The following RAPGEF2 variants were observed in gnomAD, a reference collection of about 807,000 sequenced individuals.
RAPGEF2 encodes the protein PDZ domain containing guanine nucleotide exchange factor (GEF) 1.
RAPGEF2 carries 54 observed loss-of-function variants against 186.7 expected under a neutral mutation model. That is an observed-to-expected ratio of 0.29 (90% CI 0.23 to 0.36). RAPGEF2 has a LOEUF of 0.36. Among genes scored for constraint, RAPGEF2 ranks in the 10% least tolerant of loss-of-function variants. RAPGEF2 has a pLI of 1.00. For missense variants in RAPGEF2, 1,532 were observed against 2,045.0 expected (o/e 0.75, Z 4.84); for synonymous variants, 712 against 705.9 (o/e 1.01, Z -0.14).
intron 7 of RAPGEF2, among the ~76,000 whole-genome samples, chr4:159,301,376 C>T (rs1232822865): frequency 1.3e-5 from 2 of 151,638 alleles, no homozygotes; most frequent in African/African-American, 4.8e-5. Context: ...ATTCTGTCTC[C>T]AAAAAGAAAA....
chr4:159,226,360 A>C (rs1224550788), intron 4 of RAPGEF2, among the ~76,000 whole-genome samples: 2 of 152,188 alleles, frequency 1.3e-5, no homozygotes, highest in African/African-American at 2.4e-5. Context: ...CCTTTGCTTT[A>C]CATGTCAGTT....
chr4:159,114,422 G>C (rs1364871632), intron 1 of RAPGEF2, among the ~76,000 whole-genome samples: 3 of 151,720 alleles, frequency 2.0e-5, no homozygotes, highest in Non-Finnish European at 4.4e-5. Flanking sequence ...CATTTTTTTA[G>C]ATCTGTGTCT....
chr4:159,104,063 G>C lies in RAPGEF2; in HGVS notation c.-100G>C. 1.6e-6 allele frequency: 1 copy of C among 609,116 alleles called. No homozygotes were observed. Among genetic ancestry groups the C allele is most frequent in the Non-Finnish European group, 2.2e-6 (1 of 462,908 alleles). 37.7% of individuals were successfully genotyped at this position (609,116 alleles called of 1,614,324 possible). A position where few individuals can be genotyped will look rare whatever the true frequency, so the allele number is the denominator to read the frequency against. Reference sequence around the variant, plus strand: ...GGTTTGGCTGATTAGTCGCGGGCGGGCGGGCGGGCGCAGCGCGCAGGGCGG... The same window carrying C: ...GGTTTGGCTGATTAGTCGCGGGCGGCCGGGCGGGCGCAGCGCGCAGGGCGG... On this transcript the variant is annotated 5_prime_UTR_variant, in exon 1 of 30. Transcript: ENST00000691494.
chr4:159,289,033 G>A (rs377318857), intron 7 of RAPGEF2, among the ~76,000 whole-genome samples: 2 of 152,116 alleles, frequency 1.3e-5, no homozygotes, highest in East Asian at 1.9e-4. Flanking sequence ...TGTCTCTACA[G>A]TACTTACTGA....
intron 1 of RAPGEF2, among the ~76,000 whole-genome samples, chr4:159,162,829 G>A (rs1744859329): frequency 6.6e-6 from 1 of 152,188 alleles, no homozygotes; most frequent in African/African-American, 2.4e-5. Flanking sequence ...CACAGTGCCA[G>A]CATGCAAGGT....
chr4:159,310,742 T>C (rs1763852882), intron 8 of RAPGEF2, among the ~76,000 whole-genome samples: 1 of 152,152 alleles, frequency 6.6e-6, no homozygotes, highest in Admixed American at 6.5e-5. Flanking sequence ...AACATAACTA[T>C]GTAAACCTTT....
In RAPGEF2 at chr4:159,340,501, G is replaced by A. The variant is rs188405896; in HGVS notation, c.2535-1063G>A. On this transcript the variant is annotated intron_variant, in intron 19 of 29. Coordinates refer to ENST00000691494, the MANE Select transcript of RAPGEF2 (RefSeq NM_001394067.2). Reference sequence around the variant, plus strand: ...TGTTAAATCTGTGAAAGTCAAGGGCGCAAAGTATATATTTTCTGTTATATG... The same window carrying A: ...TGTTAAATCTGTGAAAGTCAAGGGCACAAAGTATATATTTTCTGTTATATG... Among the ~76,000 whole-genome samples the A allele has an allele frequency of 1.5e-4, 23 of 152,062 alleles. No individual in the cohort carries two copies. The East Asian group carries it at 4.2e-3, about 28-fold the overall frequency.
At chr4:159,328,061 T>G (rs956209896) in intron 11 of RAPGEF2, 1 of 152,160 alleles carries the variant, frequency 6.6e-6, no homozygotes, top group Non-Finnish European at 1.5e-5. Flanking sequence ...GATGTATTTC[T>G]TTTTTAGAAG....
intron 1 of RAPGEF2, among the ~76,000 whole-genome samples, chr4:159,116,995 C>T (rs998922425): frequency 6.6e-6 from 1 of 152,060 alleles, no homozygotes; most frequent in African/African-American, 2.4e-5. Context: ...CTATAACAAG[C>T]CTGCACATTC....
At position 159,198,221 on chromosome 4, in the gene RAPGEF2, CTTTT is replaced by C. The variant is rs545064297; in HGVS notation, c.197+4966_197+4969del. On this transcript the variant is annotated intron_variant, in intron 3 of 29. Transcript: ENST00000691494. ...AGGAAGCAAAATACTGCGATTCTTT[CTTTT>C]ATTTTCTTTTCTTTCTTTCTTCCTT... Among the ~76,000 whole-genome samples, 219 of 149,912 alleles carry C rather than the reference CTTTT, an allele frequency of 1.5e-3. 2 individuals carry two copies. The highest frequency in any genetic ancestry group is 2.5e-3 in the Non-Finnish European group (169 of 67,312).
intron 1 of RAPGEF2, among the ~76,000 whole-genome samples, chr4:159,146,792 C>T (rs1158902534): frequency 6.6e-6 from 1 of 152,258 alleles, no homozygotes; most frequent in East Asian, 1.9e-4. Flanking sequence ...GGTATCTAGT[C>T]ATTTCTCCCC....
At chr4:159,335,743 G>A (rs1227655740) in intron 17 of RAPGEF2, among the ~76,000 whole-genome samples, 1 of 151,542 alleles carries the variant, frequency 6.6e-6, no homozygotes, top group African/African-American at 2.4e-5. Flanking sequence ...GGCTGAGGCA[G>A]GAGAATGGCG....
intron 1 of RAPGEF2, among the ~76,000 whole-genome samples, chr4:159,184,855 C>T (rs1294629159): frequency 6.6e-6 from 1 of 152,130 alleles, no homozygotes; most frequent in Non-Finnish European, 1.5e-5. Context: ...AGGTTTTCTT[C>T]TAGGGTTTTT....
chr4:159,195,875 GTTTTTTTTTTTTTTT>G lies in RAPGEF2; in HGVS notation c.197+2634_197+2648del, dbSNP rs34827512. Among the ~76,000 whole-genome samples the G allele has an allele frequency of 1.4e-3, 128 of 94,230 alleles. 1 individual carries two copies. Among genetic ancestry groups the G allele is most frequent in the East Asian group, 4.8e-3 (11 of 2,294 alleles). 61.8% of individuals were successfully genotyped at this position (94,230 alleles called of 152,430 possible). On this transcript the variant is annotated intron_variant, in intron 3 of 29. Coordinates refer to ENST00000691494, the MANE Select transcript of RAPGEF2 (RefSeq NM_001394067.2). ...GATTACAGTGTCTTCAAACATACCT[GTTTTTTTTTTTTTTT>G]TTTTTTTTTTTTTTCCCCAAGTAGG...
At chr4:159,160,654 T>C (rs78175886) in intron 1 of RAPGEF2, among the ~76,000 whole-genome samples, 2,262 of 152,344 alleles carry the variant, frequency 0.015, 69 homozygotes, top group African/African-American at 0.051. Context: ...TCAGTATATC[T>C]TTTTCTGTAT....
intron 6 of RAPGEF2, among the ~76,000 whole-genome samples, chr4:159,243,180 C>T (rs1309043499): frequency 6.6e-6 from 1 of 150,580 alleles, no homozygotes; most frequent in Non-Finnish European, 1.5e-5. Flanking sequence ...AGGGAAAATT[C>T]AATAGTAGGA....
intron 1 of RAPGEF2, among the ~76,000 whole-genome samples, chr4:159,158,900 C>G (rs1744406874): frequency 6.6e-6 from 1 of 152,150 alleles, no homozygotes; most frequent in Admixed American, 6.5e-5. Flanking sequence ...ACTGGCTAAT[C>G]CCCCTTTTCT....
chr4:159,235,582 T>C (rs185751000), intron 4 of RAPGEF2, among the ~76,000 whole-genome samples: 4 of 152,362 alleles, frequency 2.6e-5, no homozygotes, highest in African/African-American at 9.6e-5. Context: ...ACCATTTTTT[T>C]CCACTAAGTA....
Position 159,304,424 on chromosome 4 carries a change from G to A in RAPGEF2, c.626G>A (p.Cys209Tyr), listed in dbSNP as rs1302902611. The A allele has an allele frequency of 2.5e-6, 4 of 1,601,768 alleles. No homozygotes were observed. Among genetic ancestry groups the A allele is most frequent in the Non-Finnish European group, 3.4e-6 (4 of 1,169,282 alleles). ...VTHVSSSHSG[C>Y]SITSDSGSSS... ...CACGTTTCTTCTAGCCATTCAGGAT[G>A]TAGTATCACTAGTGATTCTGGGAGC... Residue 209 changes from cysteine (C) to tyrosine (Y), a missense_variant, in exon 8 of 30, where the codon TGT (cysteine) becomes TAT (tyrosine). Transcript: ENST00000691494.
Sources: gnomAD v4.1 joint callset for allele counts (sites outside exome capture counted in the v4.1 genomes callset) on GRCh38, gnomAD v4.1.1 for gene constraint, MANE v1.5 for transcripts, NCBI Gene and HGNC (gene_info 2026-07-23, HGNC 2026-07-21) for gene names.